MMP16: variants seen among roughly 807,000 people sequenced by gnomAD.
MMP16 encodes matrix metallopeptidase 16.
A neutral mutation model predicts 67.8 loss-of-function variants in MMP16; 12 were observed. The observed-to-expected ratio is 0.18, with a 90% confidence interval of 0.11 to 0.29. The LOEUF is 0.29. Among genes scored for constraint, MMP16 ranks in the 10% least tolerant of loss-of-function variants. The pLI is 1.00. For missense variants in MMP16, 475 were observed against 765.7 expected (o/e 0.62, Z 4.48); for synonymous variants, 249 against 255.9 (o/e 0.97, Z 0.26).
intron 1 of MMP16, 47 bp from the exon 2 acceptor site, chr8:88,197,353 C>A (rs766953700): frequency 2.7e-6 from 4 of 1,466,270 alleles, no homozygotes; most frequent in Non-Finnish European, 3.6e-6. Context: ...TACAATTTAA[C>A]AATAATTTTC....
chr8:88,249,184 C>G (rs1489139281), intron 1 of MMP16, among the ~76,000 whole-genome samples: 2 of 151,362 alleles, frequency 1.3e-5, no homozygotes, highest in Non-Finnish European at 2.9e-5. Context: ...TGCAGCATGC[C>G]TGGTGGGGGT....
intron 1 of MMP16, among the ~76,000 whole-genome samples, chr8:88,226,783 T>G (rs888219301): frequency 6.6e-6 from 1 of 152,032 alleles, no homozygotes; most frequent in Non-Finnish European, 1.5e-5. Context: ...TTGACCATTC[T>G]GGTCAGCACT....
intron 1 of MMP16, among the ~76,000 whole-genome samples, chr8:88,216,371 T>C (rs1809594665): frequency 6.6e-6 from 1 of 152,208 alleles, no homozygotes; most frequent in Non-Finnish European, 1.5e-5. Context: ...TTCAATACCC[T>C]GAATATTGTA....
At chr8:88,080,644 C>T (rs1808731507) in intron 6 of MMP16, among the ~76,000 whole-genome samples, 1 of 152,032 alleles carries the variant, frequency 6.6e-6, no homozygotes, top group South Asian at 2.1e-4. Flanking sequence ...CCACGTTGGC[C>T]AGGCTGGTCT....
At chr8:88,160,802 T>A (rs1239632885) in intron 4 of MMP16, among the ~76,000 whole-genome samples, 2 of 152,092 alleles carry the variant, frequency 1.3e-5, no homozygotes, top group Non-Finnish European at 2.9e-5. Context: ...CAAAGGACTA[T>A]AAATCATGCT....
rs545229791 is a variant in MMP16, at chr8:88,327,232, C to G, written c.-26G>C. The stretch of plus-strand genomic sequence containing the variant: ...AGTGAACTGTGCTTCAATGGATGGA[C>G]GAGCTCCCCTTCGTTTTCTCCCTCT... On this transcript the variant is annotated 5_prime_UTR_variant, in exon 1 of 10. Coordinates refer to ENST00000286614, the MANE Select transcript of MMP16 (RefSeq NM_005941.5). 10 of 1,613,150 alleles carry G rather than the reference C, an allele frequency of 6.2e-6. No individual in the cohort carries two copies. The South Asian group carries it at 9.9e-5, about 16-fold the overall frequency.
chr8:88,276,751 C>T (rs1810655032), intron 1 of MMP16, among the ~76,000 whole-genome samples: 2 of 152,074 alleles, frequency 1.3e-5, no homozygotes, highest in Non-Finnish European at 2.9e-5. Flanking sequence ...GAAGTTAACT[C>T]TCTCATCTCT....
At chr8:88,059,302 G>C (rs1204390370) in intron 7 of MMP16, among the ~76,000 whole-genome samples, 1 of 151,744 alleles carries the variant, frequency 6.6e-6, no homozygotes, top group Non-Finnish European at 1.5e-5. Context: ...GGGAAGAGGA[G>C]GCACATCAGG....
At chr8:88,236,317 C>T (rs1563570160) in intron 1 of MMP16, among the ~76,000 whole-genome samples, 1 of 152,226 alleles carries the variant, frequency 6.6e-6, no homozygotes, top group Non-Finnish European at 1.5e-5. Context: ...CCTTAGGTTT[C>T]TGTGAGGTTC....
At chr8:88,250,780 AT>A (rs914449339) in intron 1 of MMP16, among the ~76,000 whole-genome samples, 60 of 147,106 alleles carry the variant, frequency 4.1e-4, no homozygotes, top group Non-Finnish European at 6.6e-4. Flanking sequence ...TTTTTTTTTA[AT>A]TTTTTTTTAT....
chr8:88,190,613 T>C (rs1809155411), intron 2 of MMP16, among the ~76,000 whole-genome samples: 1 of 152,192 alleles, frequency 6.6e-6, no homozygotes. Context: ...ACCAAAATGT[T>C]AGTAGCATTC....
intron 2 of MMP16, among the ~76,000 whole-genome samples, chr8:88,192,233 C>A (rs998806898): frequency 6.6e-6 from 1 of 152,128 alleles, no homozygotes; most frequent in African/African-American, 2.4e-5. Flanking sequence ...TAACTTAGGG[C>A]TAAAAATGTT....
chr8:88,151,809 A>G (rs1394572158), intron 4 of MMP16, among the ~76,000 whole-genome samples: 3 of 144,304 alleles, frequency 2.1e-5, no homozygotes, highest in Admixed American at 1.4e-4. Context: ...AAGAACTAGA[A>G]AAGCAAGAGC....
intron 1 of MMP16, among the ~76,000 whole-genome samples, chr8:88,272,354 A>C (rs971557221): frequency 6.6e-6 from 1 of 152,194 alleles, no homozygotes; most frequent in South Asian, 2.1e-4. Flanking sequence ...GAAAAATAGC[A>C]AAGAATATAT....
At chr8:88,258,620 T>C (rs1278409146) in intron 1 of MMP16, among the ~76,000 whole-genome samples, 2 of 152,344 alleles carry the variant, frequency 1.3e-5, no homozygotes, top group Non-Finnish European at 2.9e-5. Context: ...ATAGCCACAC[T>C]GCCTGATGCA....
At chr8:88,244,033 T>G (rs907092565) in intron 1 of MMP16, among the ~76,000 whole-genome samples, 1 of 57,332 alleles carries the variant, frequency 1.7e-5, no homozygotes, top group Non-Finnish European at 3.6e-5. Context: ...AATGAAGTTT[T>G]TTTTTTTAAT....
intron 1 of MMP16, among the ~76,000 whole-genome samples, chr8:88,295,441 A>T (rs17667853): frequency 0.1 from 15,443 of 152,222 alleles, 942 homozygotes; most frequent in South Asian, 0.17. Flanking sequence ...GTTGAAGATA[A>T]TATAGAACAA....
intron 4 of MMP16, among the ~76,000 whole-genome samples, chr8:88,131,437 C>T (rs1415969584): frequency 6.6e-6 from 1 of 151,666 alleles, no homozygotes; most frequent in Non-Finnish European, 1.5e-5. Flanking sequence ...CTGCTAGATT[C>T]CATGAATTTT....
intron 7 of MMP16, among the ~76,000 whole-genome samples, chr8:88,062,842 C>T (rs1205848389): frequency 2.0e-5 from 3 of 151,988 alleles, no homozygotes; most frequent in Non-Finnish European, 2.9e-5. Context: ...ACGTAAATGA[C>T]TTTGTTTCTA....
Sources: allele counts gnomAD v4.1 joint callset (sites outside exome capture counted in the v4.1 genomes callset), GRCh38; gene constraint gnomAD v4.1.1; transcripts MANE v1.5; gene names NCBI Gene and HGNC (gene_info 2026-07-23, HGNC 2026-07-21).